SKAP2: variants seen among roughly 807,000 people sequenced by gnomAD.
The protein encoded by SKAP2 is src kinase-associated phosphoprotein 2.
In SKAP2, 28 loss-of-function variants were observed where a neutral mutation model predicts 54.9. That is an observed-to-expected ratio of 0.51 (90% CI 0.38 to 0.70). The LOEUF is 0.70. SKAP2 is among the 30% of genes least tolerant of loss of function. The pLI, the probability that SKAP2 is intolerant of heterozygous loss-of-function variation, is 0.00. For missense variants in SKAP2, 356 were observed against 424.1 expected (o/e 0.84, Z 1.41); for synonymous variants, 137 against 134.3 (o/e 1.02, Z -0.14).
intron 1 of SKAP2, chr7:26,857,611 C>A: frequency 1.0e-6 from 1 of 985,404 alleles, no homozygotes; most frequent in Non-Finnish European, 1.2e-6. Context: ...CTGCGAGATG[C>A]TCCAGCTCTG....
intron 11 of SKAP2, among the ~76,000 whole-genome samples, chr7:26,673,865 T>C (rs1306336109): frequency 6.6e-6 from 1 of 152,124 alleles, no homozygotes; most frequent in Non-Finnish European, 1.5e-5. Flanking sequence ...CTAGTTATGA[T>C]AAAGTGAAAC....
chr7:26,765,574 T>A (rs1783034102), intron 4 of SKAP2, among the ~76,000 whole-genome samples: 1 of 152,186 alleles, frequency 6.6e-6, no homozygotes, highest in Admixed American at 6.5e-5. Flanking sequence ...GTTGCCTAGG[T>A]TTTCTTCGAG....
chr7:26,704,612 A>G (rs1787117095), intron 9 of SKAP2, among the ~76,000 whole-genome samples: 1 of 152,186 alleles, frequency 6.6e-6, no homozygotes, highest in Non-Finnish European at 1.5e-5. Context: ...TGACATACAG[A>G]CTAATTTATG....
At chr7:26,859,133 T>C (rs1785232846) in intron 1 of SKAP2, among the ~76,000 whole-genome samples, 1 of 152,110 alleles carries the variant, frequency 6.6e-6, no homozygotes, top group South Asian at 2.1e-4. Flanking sequence ...AGCACCCCCA[T>C]GGCCTTTCTA....
At chr7:26,847,026 T>C (rs1784937465) in intron 3 of SKAP2, among the ~76,000 whole-genome samples, 1 of 152,004 alleles carries the variant, frequency 6.6e-6, no homozygotes, top group African/African-American at 2.4e-5. Context: ...CGCTTTTGGG[T>C]TATATATTAA....
chr7:26,855,964 T>C (rs944518773), intron 1 of SKAP2, among the ~76,000 whole-genome samples: 1 of 152,126 alleles, frequency 6.6e-6, no homozygotes, highest in Admixed American at 6.5e-5. Flanking sequence ...ATATTACGTA[T>C]AAATAGTTCA....
At chr7:26,663,610 T>C (rs1786056945), downstream of SKAP2, among the ~76,000 whole-genome samples, 1 of 152,176 alleles carries the variant, frequency 6.6e-6, no homozygotes, top group African/African-American at 2.4e-5. Context: ...TTACTGATGG[T>C]ACAGTTTGTT....
chr7:26,828,209 T>A (rs1013397654), intron 4 of SKAP2, among the ~76,000 whole-genome samples: 1 of 152,188 alleles, frequency 6.6e-6, no homozygotes, highest in African/African-American at 2.4e-5. Context: ...AAAACTGATA[T>A]GAAAGAAGAG....
At chr7:26,830,914 T>A (rs1784581913) in intron 4 of SKAP2, among the ~76,000 whole-genome samples, 1 of 123,880 alleles carries the variant, frequency 8.1e-6, no homozygotes. Flanking sequence ...CTAATGACTT[T>A]GCAGCCCTGC....
the SKAP2 span, among the ~76,000 whole-genome samples, chr7:26,661,457 TGTCA>T: frequency 0.011 from 1,617 of 152,256 alleles, 27 homozygotes; most frequent in African/African-American, 0.037. Context: ...TTCCTTAGAA[TGTCA>T]GTTTAAAAAA....
intron 4 of SKAP2, among the ~76,000 whole-genome samples, chr7:26,839,995 A>T (rs951966529): frequency 1.7e-4 from 26 of 152,106 alleles, no homozygotes; most frequent in East Asian, 7.7e-4. Context: ...ACCAAAAAAA[A>T]TTTTTAATAT....
intron 4 of SKAP2, among the ~76,000 whole-genome samples, chr7:26,767,554 G>C (rs1338680863): frequency 1.3e-5 from 2 of 152,048 alleles, no homozygotes; most frequent in African/African-American, 4.8e-5. Flanking sequence ...TGTGATGTTA[G>C]GTTGTCGATT....
chr7:26,748,342 T>C (rs1305453316), intron 4 of SKAP2, among the ~76,000 whole-genome samples: 2 of 152,146 alleles, frequency 1.3e-5, no homozygotes, highest in Non-Finnish European at 2.9e-5. Flanking sequence ...GAAAACCTTA[T>C]AAGAATCTCT....
chr7:26,745,107 T>C (rs1782534284), intron 4 of SKAP2, among the ~76,000 whole-genome samples: 1 of 149,876 alleles, frequency 6.7e-6, no homozygotes, highest in Non-Finnish European at 1.5e-5. Context: ...TTTTCCCTTT[T>C]CTAGTTGGCA....
intron 11 of SKAP2, among the ~76,000 whole-genome samples, chr7:26,682,499 C>T (rs1400528834): frequency 6.6e-6 from 1 of 152,200 alleles, no homozygotes; most frequent in Non-Finnish European, 1.5e-5. Context: ...ACGATGAACA[C>T]TGAACCTTAT....
intron 4 of SKAP2, among the ~76,000 whole-genome samples, chr7:26,812,382 G>C (rs1226820197): frequency 2.0e-5 from 3 of 152,034 alleles, no homozygotes; most frequent in Non-Finnish European, 4.4e-5. Context: ...TTCAAGATTT[G>C]TGAACTGGAT....
chr7:26,846,166 C>A (rs1304678922), intron 3 of SKAP2, among the ~76,000 whole-genome samples: 2 of 151,688 alleles, frequency 1.3e-5, no homozygotes, highest in East Asian at 3.9e-4. Flanking sequence ...TCATATCTCA[C>A]ACAAAAAAAA....
At chr7:26,811,277 C>T (rs1458134951) in intron 4 of SKAP2, among the ~76,000 whole-genome samples, 6 of 152,110 alleles carry the variant, frequency 3.9e-5, no homozygotes, top group Non-Finnish European at 8.8e-5. Flanking sequence ...ATAGTTTCTT[C>T]AATAATAAAA....
intron 11 of SKAP2, 24 bp from the exon 12 acceptor site, chr7:26,670,216 T>C (rs1344770555): frequency 9.2e-7 from 1 of 1,088,004 alleles, no homozygotes; most frequent in Non-Finnish European, 1.4e-6. Flanking sequence ...ATATGCAATA[T>C]TAACCTTTAG....
Sources: gnomAD v4.1 joint callset for allele counts (sites outside exome capture counted in the v4.1 genomes callset) on GRCh38, gnomAD v4.1.1 for gene constraint, MANE v1.5 for transcripts, NCBI Gene and HGNC (gene_info 2026-07-23, HGNC 2026-07-21) for gene names.